The following ACSL6 variants were observed in gnomAD, a reference collection of about 807,000 sequenced individuals.
ACSL6 encodes long-chain-fatty-acid--CoA ligase 6.
In ACSL6, 47 loss-of-function variants were observed where a neutral mutation model predicts 98.2. The observed-to-expected ratio is 0.48, with a 90% CI of 0.38 to 0.61. The LOEUF (loss-of-function observed/expected upper bound fraction) is 0.61. ACSL6 is among the 20% of genes least tolerant of loss of function. The pLI is 0.00. For synonymous variants in ACSL6, 362 were observed against 336.9 expected, an observed-to-expected ratio of 1.07 and a Z score of -0.82; for missense variants, 761 against 913.4, an observed-to-expected ratio of 0.83 and a Z score of 2.15.
At chr5:132,009,870 C>G (rs1314833314) in intron 1 of ACSL6, among the ~76,000 whole-genome samples, 2 of 152,152 alleles carry the variant, frequency 1.3e-5, no homozygotes, top group Non-Finnish European at 2.9e-5. Flanking sequence ...CTTGCAGCCC[C>G]TAGACACCTC....
rs1752206281 is a variant in ACSL6, at chr5:131,952,549, T to C, written c.*1685A>G. On this transcript the variant is annotated 3_prime_UTR_variant, in exon 21 of 21. Transcript: ENST00000651883. Reference sequence around the variant, plus strand: ...AGCACATACATTTTAAATTAACACATGAATTGCATATGGATTGTTGATATG... The same window carrying C: ...AGCACATACATTTTAAATTAACACACGAATTGCATATGGATTGTTGATATG... The C allele has an allele frequency of 9.3e-6, 2 of 214,902 alleles. 1 individual carries two copies. Among genetic ancestry groups the C allele is most frequent in the Admixed American group, 1.2e-4 (2 of 17,124 alleles). The allele number at this position is 214,902 out of a possible 1,614,324, so 13.3% of individuals were successfully genotyped here.
intron 1 of ACSL6, among the ~76,000 whole-genome samples, chr5:132,000,596 C>A (rs751197793): frequency 6.6e-6 from 1 of 152,002 alleles, no homozygotes; most frequent in Non-Finnish European, 1.5e-5. Context: ...ATGATCACTG[C>A]GTATTTTGAA....
In ACSL6 at chr5:131,972,774, T is replaced by C. The variant is rs1401119920; in HGVS notation, c.1288A>G (p.Ile430Val). Residue 430 changes from isoleucine (I) to valine (V), a missense_variant, in exon 13 of 21, where the codon ATC becomes GTC. Physicochemically the swap from Ile to Val is conservative, Grantham distance 29. Coordinates refer to ENST00000651883, the MANE Select transcript of ACSL6 (RefSeq NM_001009185.3). ...KRKQAEVRSG[I>V]IRNDSIWDEL... ...TCCCAGATACTATCATTCCTGATGA[T>C]TCCACTCCGGACCTCGGCTTGCTTA... 1.2e-6 allele frequency: 2 copies of C among 1,614,224 alleles called. No individual in the cohort carries two copies. The highest frequency in any genetic ancestry group is 1.3e-5 in the African/African-American group (1 of 75,062).
At chr5:131,986,589 C>T (rs1754195556) in intron 8 of ACSL6, among the ~76,000 whole-genome samples, 2 of 152,172 alleles carry the variant, frequency 1.3e-5, no homozygotes, top group Admixed American at 1.3e-4. Flanking sequence ...CCAAGGGTGG[C>T]CAGGATTGGC....
rs1479679132 is a variant in ACSL6 at position 132,011,396 on chromosome 5, AG to A, written c.49+108del. On this transcript the variant is annotated intron_variant, in intron 1 of 20. Transcript: ENST00000651883. This position sits in a 1 kb window ranked among gnomAD's most constrained non-coding sequence, Gnocchi z 5.4. ...GACCTTGACGGGACAGCTCAGCAGC[AG>A]GGGATGGGGGCTCGGCGGCCGCGGA... is the stretch of plus-strand genomic sequence containing the variant. The A allele has an allele frequency of 2.5e-6, 3 of 1,193,948 alleles. No homozygotes were observed. Among genetic ancestry groups the A allele is most frequent in the Non-Finnish European group, 2.5e-6 (2 of 813,534 alleles). 74.0% of individuals were successfully genotyped at this position (1,193,948 alleles called of 1,614,324 possible). A position where few individuals can be genotyped will look rare whatever the true frequency, so the allele number is the denominator to read the frequency against.
intron 2 of ACSL6, among the ~76,000 whole-genome samples, chr5:131,991,917 C>T (rs1034052562): frequency 2.6e-5 from 4 of 152,324 alleles, no homozygotes; most frequent in African/African-American, 9.6e-5. Flanking sequence ...TTGGCCAGTG[C>T]TTTCAAGGAC....
intron 13 of ACSL6, 84 bp downstream of exon 13, chr5:131,972,640 T>G: frequency 6.7e-7 from 1 of 1,488,248 alleles, no homozygotes; most frequent in South Asian, 1.2e-5. Flanking sequence ...TACAGGGCAC[T>G]GGGATGAACT....
At position 131,988,909 on chromosome 5, in the gene ACSL6, G is replaced by A. The variant is rs777569019; in HGVS notation, c.553-5C>T. 2.5e-6 allele frequency: 4 copies of A among 1,613,046 alleles called. No homozygotes were observed. Among genetic ancestry groups the A allele is most frequent in the Non-Finnish European group, 1.7e-6 (2 of 1,179,216 alleles). ...GGCCAGCTCCACAATGATCCACTGT[G>A]GAGACACATGAGGCGGGGGTGGGGA... is the stretch of plus-strand genomic sequence containing the variant. On this transcript the variant is annotated splice_polypyrimidine_tract_variant and splice_region_variant and intron_variant, in intron 5 of 20. Coordinates refer to ENST00000651883, the MANE Select transcript of ACSL6 (RefSeq NM_001009185.3).
intron 7 of ACSL6, among the ~76,000 whole-genome samples, 153 bp from the exon 8 acceptor site, chr5:131,987,007 C>A (rs1754234399): frequency 6.6e-6 from 1 of 151,230 alleles, no homozygotes; most frequent in South Asian, 2.1e-4. Flanking sequence ...ACACCACACA[C>A]AAAATCAGAA....
Position 131,991,013 on chromosome 5 carries a change from G to A in ACSL6, c.271-46C>T, listed in dbSNP as rs1335688554. ...AGAGAAGTTGGCTGAGGCAGGTAGG[G>A]GTGCCAGGAGAGGGCCGCAGCATGC... is the stretch of plus-strand genomic sequence containing the variant. On this transcript the variant is annotated intron_variant, in intron 2 of 20. Transcript: ENST00000651883. 2.6e-6 allele frequency: 4 copies of A among 1,564,566 alleles called. No homozygotes were observed. In the African/African-American group the frequency reaches 4.1e-5, roughly 16 times the overall value.
intron 12 of ACSL6, 67 bp from the exon 13 acceptor site, chr5:131,972,925 G>A: frequency 6.2e-7 from 1 of 1,608,800 alleles, no homozygotes; most frequent in South Asian, 1.1e-5. Flanking sequence ...TATCCCCCAG[G>A]AATAAGGCCC....
At chr5:131,974,615 A>T in intron 11 of ACSL6, 2 of 906,914 alleles carry the variant, frequency 2.2e-6, no homozygotes, top group Non-Finnish European at 1.7e-6. Flanking sequence ...GGGTGGCTAA[A>T]GTCCTCTGAG....
At chr5:131,981,953 G>C (rs966293518) in intron 9 of ACSL6, 2 of 152,350 alleles carry the variant, frequency 1.3e-5, no homozygotes, top group South Asian at 2.1e-4. Context: ...TGCCTCCCAG[G>C]TTCAAGCGAT....
intron 9 of ACSL6, among the ~76,000 whole-genome samples, chr5:131,977,839 T>C (rs1753699507): frequency 6.6e-6 from 1 of 152,176 alleles, no homozygotes; most frequent in Admixed American, 6.5e-5. Flanking sequence ...TTTTATGCTA[T>C]GTGAAATTTG....
At chr5:131,960,708 C>A (rs935883774) in intron 18 of ACSL6, 87 bp from the exon 19 acceptor site, 1 of 979,714 alleles carries the variant, frequency 1.0e-6, no homozygotes, top group Admixed American at 3.0e-5. Context: ...TCTCAGACTC[C>A]ACCTTTTTCA....
At chr5:132,009,794 G>T (rs1755612541) in intron 1 of ACSL6, among the ~76,000 whole-genome samples, 1 of 152,156 alleles carries the variant, frequency 6.6e-6, no homozygotes, top group Non-Finnish European at 1.5e-5. Flanking sequence ...CCTGCTCACA[G>T]ACAAGGACCC....
chr5:131,989,134 G>T (rs1754364422), intron 5 of ACSL6, among the ~76,000 whole-genome samples: 1 of 152,138 alleles, frequency 6.6e-6, no homozygotes, highest in Non-Finnish European at 1.5e-5. Context: ...ACAGTTCCAT[G>T]GCCTGCATGA....
In ACSL6 at chr5:131,988,793, C is replaced by T; in HGVS notation, c.652+12G>A. The stretch of plus-strand genomic sequence containing the variant: ...AGTTGCCAGTGGCAGGGTGGGGTGG[C>T]AGTGGGCTTACCTGTATTGATGATG... On this transcript the variant is annotated intron_variant, in intron 6 of 20. Coordinates refer to ENST00000651883, the MANE Select transcript of ACSL6 (RefSeq NM_001009185.3). The T allele has an allele frequency of 6.2e-7, 1 of 1,612,994 alleles. No homozygotes were observed. Among genetic ancestry groups the T allele is most frequent in the Non-Finnish European group, 8.5e-7 (1 of 1,179,256 alleles).
At chr5:132,000,293 C>T (rs1429815007) in intron 1 of ACSL6, among the ~76,000 whole-genome samples, 1 of 152,140 alleles carries the variant, frequency 6.6e-6, no homozygotes, top group African/African-American at 2.4e-5. Flanking sequence ...ATCTCCACCA[C>T]AAGACCCCAG....
Sources: allele counts gnomAD v4.1 joint callset (sites outside exome capture counted in the v4.1 genomes callset), GRCh38; gene constraint gnomAD v4.1.1; non-coding constraint Gnocchi (gnomAD v3.1); transcripts MANE v1.5; gene names NCBI Gene and HGNC (gene_info 2026-07-23, HGNC 2026-07-21).